The following ACOXL variants were observed in gnomAD, a reference collection of about 807,000 sequenced individuals.
The protein encoded by ACOXL is acyl-CoA oxidase like.
A neutral mutation model predicts 71.9 loss-of-function variants in ACOXL; 70 were observed. That is an observed-to-expected ratio of 0.97 (90% CI 0.80 to 1.19). The LOEUF (loss-of-function observed/expected upper bound fraction) is 1.19, where lower values mean the gene tolerates loss of function less well. ACOXL is among the 50% of genes most tolerant of loss of function. The pLI, the probability that ACOXL is intolerant of heterozygous loss-of-function variation, is 0.00. For synonymous variants in ACOXL, 253 were observed against 281.6 expected (o/e 0.90, Z 1.02); for missense variants, 703 against 736.3 (o/e 0.95, Z 0.52).
At chr2:110,784,466 G>A (rs763114799) in intron 2 of ACOXL, among the ~76,000 whole-genome samples, 8 of 152,188 alleles carry the variant, frequency 5.3e-5, no homozygotes, top group Non-Finnish European at 1.0e-4. Flanking sequence ...TCGCAGGGTT[G>A]CAGGCTGGCC....
intron 7 of ACOXL, 68 bp from the exon 8 acceptor site, chr2:110,801,584 C>A: frequency 7.1e-7 from 1 of 1,399,860 alleles, no homozygotes. Flanking sequence ...TTAGTGGCGA[C>A]AGGCCTGGGA....
intron 10 of ACOXL, among the ~76,000 whole-genome samples, chr2:110,847,330 A>G (rs1692034715): frequency 6.6e-6 from 1 of 152,168 alleles, no homozygotes; most frequent in Non-Finnish European, 1.5e-5. Context: ...AGAGGTGAGC[A>G]TCACCCCTTT....
At chr2:110,897,328 G>A (rs1051888506) in intron 10 of ACOXL, among the ~76,000 whole-genome samples, 1 of 152,140 alleles carries the variant, frequency 6.6e-6, no homozygotes, top group Non-Finnish European at 1.5e-5. Flanking sequence ...TTAAAGAATG[G>A]TCTTTTTAGT....
chr2:111,054,095 C>T (rs2066422192), intron 16 of ACOXL, among the ~76,000 whole-genome samples: 1 of 152,216 alleles, frequency 6.6e-6, no homozygotes, highest in African/African-American at 2.4e-5. Flanking sequence ...GCTCGGTCAC[C>T]TTGCCAAAGG....
chr2:111,010,013 A>C (rs1215858489), intron 14 of ACOXL, among the ~76,000 whole-genome samples: 1 of 152,204 alleles, frequency 6.6e-6, no homozygotes, highest in Non-Finnish European at 1.5e-5. Context: ...CTTTAGAGGA[A>C]GTCAACAGGA....
At chr2:110,848,879 C>T (rs1221402427) in intron 10 of ACOXL, among the ~76,000 whole-genome samples, 3 of 152,242 alleles carry the variant, frequency 2.0e-5, no homozygotes, top group South Asian at 2.1e-4. Flanking sequence ...TGGGCTTCCC[C>T]GTGTAGACAG....
chr2:110,876,072 C>T (rs1032616052), intron 10 of ACOXL, among the ~76,000 whole-genome samples: 4 of 152,190 alleles, frequency 2.6e-5, no homozygotes, highest in African/African-American at 9.7e-5. Flanking sequence ...TAGCTTCTTT[C>T]CACTGACTGC....
At chr2:111,019,753 A>G (rs1451450209) in intron 14 of ACOXL, among the ~76,000 whole-genome samples, 1 of 152,244 alleles carries the variant, frequency 6.6e-6, no homozygotes, top group Non-Finnish European at 1.5e-5. Flanking sequence ...AAGAGGCTGC[A>G]GAGATCCTGG....
At chr2:110,884,586 C>T (rs1697069691) in intron 10 of ACOXL, among the ~76,000 whole-genome samples, 1 of 152,110 alleles carries the variant, frequency 6.6e-6, no homozygotes, top group African/African-American at 2.4e-5. Context: ...CTGCATGATT[C>T]TATTTGTGTA....
chr2:111,075,817 A>T (rs1020878772), intron 16 of ACOXL, among the ~76,000 whole-genome samples: 2 of 152,100 alleles, frequency 1.3e-5, no homozygotes, highest in African/African-American at 2.4e-5. Context: ...TTGACCCATG[A>T]ATTATATATA....
chr2:110,742,395 G>T (rs1677656986), intron 1 of ACOXL, among the ~76,000 whole-genome samples: 1 of 152,178 alleles, frequency 6.6e-6, no homozygotes, highest in Non-Finnish European at 1.5e-5. Flanking sequence ...TTGACTATGT[G>T]TAAGGAAAAT....
intron 16 of ACOXL, among the ~76,000 whole-genome samples, chr2:111,080,373 T>C (rs1474881347): frequency 6.6e-6 from 1 of 152,232 alleles, no homozygotes; most frequent in Admixed American, 6.5e-5. Context: ...TAAATTTCCC[T>C]CTAACCACTG....
At chr2:110,889,956 A>G (rs1047043882) in intron 10 of ACOXL, among the ~76,000 whole-genome samples, 3 of 152,144 alleles carry the variant, frequency 2.0e-5, no homozygotes, top group African/African-American at 7.2e-5. Context: ...ATTTCTCCAC[A>G]TACTAGCCAT....
At chr2:111,113,837 C>T (rs1019710368) in intron 17 of ACOXL, among the ~76,000 whole-genome samples, 1 of 152,128 alleles carries the variant, frequency 6.6e-6, no homozygotes, top group African/African-American at 2.4e-5. Context: ...ATTAAGGTTC[C>T]CCTTCCTGTA....
intron 10 of ACOXL, among the ~76,000 whole-genome samples, chr2:110,857,993 T>C (rs1693471867): frequency 6.6e-6 from 1 of 152,188 alleles, no homozygotes; most frequent in African/African-American, 2.4e-5. Context: ...CCCAAAGTGC[T>C]GGGATTACAG....
intron 10 of ACOXL, among the ~76,000 whole-genome samples, chr2:110,905,297 G>A (rs546127639): frequency 1.3e-4 from 20 of 152,254 alleles, no homozygotes; most frequent in African/African-American, 4.8e-4. Flanking sequence ...ATTAGACACT[G>A]GCAGTTAGGG....
intron 14 of ACOXL, among the ~76,000 whole-genome samples, chr2:111,022,899 T>C (rs1417903147): frequency 2.6e-5 from 4 of 152,196 alleles, no homozygotes; most frequent in Non-Finnish European, 4.4e-5. Context: ...CCTGGGAAGA[T>C]CTGGCTTGCG....
chr2:111,085,395 C>G (rs2068157093), intron 16 of ACOXL, among the ~76,000 whole-genome samples: 1 of 152,066 alleles, frequency 6.6e-6, no homozygotes, highest in African/African-American at 2.4e-5. Flanking sequence ...GACCACAGAG[C>G]AATAAAAGTA....
At chr2:110,957,597 G>A (rs754067067) in intron 12 of ACOXL, among the ~76,000 whole-genome samples, 13 of 152,144 alleles carry the variant, frequency 8.5e-5, no homozygotes, top group Non-Finnish European at 1.5e-4. Context: ...GTCTTCACAC[G>A]TTCCTCTGTG....
Sources: allele counts gnomAD v4.1 joint callset (sites outside exome capture counted in the v4.1 genomes callset), GRCh38; gene constraint gnomAD v4.1.1; transcripts MANE v1.5; gene names NCBI Gene and HGNC (gene_info 2026-07-23, HGNC 2026-07-21).